The following CSMD1 variants were observed in gnomAD, a reference collection of about 807,000 sequenced individuals.
CSMD1 encodes the protein CUB and Sushi multiple domains 1, also known as CUB and sushi domain-containing protein 1.
CSMD1 carries 213 observed loss-of-function variants against 417.5 expected under a neutral mutation model. That is an observed-to-expected ratio of 0.51 (90% CI 0.46 to 0.57). The LOEUF (loss-of-function observed/expected upper bound fraction) is 0.57, where lower values mean the gene tolerates loss of function less well. Among genes scored for constraint, CSMD1 ranks in the 20% least tolerant of loss-of-function variants. The pLI, the probability that CSMD1 is intolerant of heterozygous loss-of-function variation, is 0.00. For missense variants in CSMD1, 6,923 were observed against 4,529.7 expected (o/e 1.53, Z -15.17); for synonymous variants, 2,862 against 1,736.8 (o/e 1.65, Z -16.11).
At chr8:4,934,571 C>G (rs73511757) in intron 1 of CSMD1, among the ~76,000 whole-genome samples, 6,329 of 152,170 alleles carry the variant, frequency 0.042, 157 homozygotes, top group South Asian at 0.053. Flanking sequence ...GCAACATGGA[C>G]AAAGAAAGGA....
chr8:3,803,498 G>C (rs572302216), intron 5 of CSMD1, among the ~76,000 whole-genome samples: 1 of 152,142 alleles, frequency 6.6e-6, no homozygotes, highest in South Asian at 2.1e-4. Flanking sequence ...ATAACAAGAA[G>C]AGCCCATGCA....
chr8:4,822,580 TATTTTTAGCA>T (rs1799582008), intron 1 of CSMD1, among the ~76,000 whole-genome samples: 1 of 152,134 alleles, frequency 6.6e-6, no homozygotes, highest in Non-Finnish European at 1.5e-5. Flanking sequence ...TACATTTTTA[TATTTTTAGCA>T]ATTTTTAGCA....
At chr8:4,534,243 T>G (rs1380784955) in intron 2 of CSMD1, among the ~76,000 whole-genome samples, 1 of 152,186 alleles carries the variant, frequency 6.6e-6, no homozygotes, top group Non-Finnish European at 1.5e-5. Flanking sequence ...TGCGTGGGCC[T>G]GGCCCCAAGG....
chr8:3,764,774 TCTCA>T (rs1798184276), intron 5 of CSMD1, among the ~76,000 whole-genome samples: 1 of 148,036 alleles, frequency 6.8e-6, no homozygotes, highest in East Asian at 2.0e-4. Flanking sequence ...TGAGAGACAT[TCTCA>T]CTCTGTTGCC....
chr8:3,107,976 T>G (rs766143483), intron 44 of CSMD1, among the ~76,000 whole-genome samples, 178 bp from the exon 45 acceptor site: 2 of 152,182 alleles, frequency 1.3e-5, no homozygotes, highest in Non-Finnish European at 2.9e-5. Flanking sequence ...ATATTATTAT[T>G]TAGTGCCAAA....
At chr8:4,390,971 C>T (rs544622823) in intron 3 of CSMD1, among the ~76,000 whole-genome samples, 3 of 152,292 alleles carry the variant, frequency 2.0e-5, no homozygotes, top group East Asian at 3.9e-4. Context: ...AAAACAGATT[C>T]TGTAACTTTC....
In CSMD1 at chr8:4,451,395, A is replaced by G. The variant is rs141377348; in HGVS notation, c.303-31330T>C. The stretch of plus-strand genomic sequence containing the variant: ...AGTGTTTATGGAAGATAATTATTGA[A>G]CATGTGCTATGATCAGTGTTTTCCA... On this transcript the variant is annotated intron_variant, in intron 2 of 69. Transcript: ENST00000635120. Among the ~76,000 whole-genome samples the G allele has an allele frequency of 9.8e-4, 150 of 152,334 alleles. 1 individual carries two copies. Among genetic ancestry groups the G allele is most frequent in the African/African-American group, 3.5e-3 (146 of 41,578 alleles).
At chr8:3,248,454 G>C (rs73185570) in intron 26 of CSMD1, among the ~76,000 whole-genome samples, 12,623 of 149,132 alleles carry the variant, frequency 0.085, 711 homozygotes, top group Non-Finnish European at 0.12. Context: ...GTGTGAGACA[G>C]ACAACAGGGA....
intron 2 of CSMD1, among the ~76,000 whole-genome samples, chr8:4,429,793 G>A (rs1395212905): frequency 6.6e-6 from 1 of 152,058 alleles, no homozygotes; most frequent in African/African-American, 2.4e-5. Context: ...GAAATATACC[G>A]GCAATCCCCT....
At chr8:3,366,579 T>C in intron 20 of CSMD1, among the ~76,000 whole-genome samples, 1 of 152,164 alleles carries the variant, frequency 6.6e-6, no homozygotes, top group East Asian at 1.9e-4. Flanking sequence ...TCCTCAACTG[T>C]GTGTGTCCAC....
At chr8:4,325,527 G>A (rs569688920) in intron 3 of CSMD1, among the ~76,000 whole-genome samples, 1 of 152,198 alleles carries the variant, frequency 6.6e-6, no homozygotes, top group African/African-American at 2.4e-5. Flanking sequence ...CACTTTGCAT[G>A]AATATCCATG....
At chr8:4,223,397 G>T (rs1441179656) in intron 3 of CSMD1, among the ~76,000 whole-genome samples, 1 of 152,226 alleles carries the variant, frequency 6.6e-6, no homozygotes, top group Non-Finnish European at 1.5e-5. Flanking sequence ...TGCCGCCAAG[G>T]TAAGCAGGAA....
At chr8:4,471,369 G>C (rs1042219394) in intron 2 of CSMD1, among the ~76,000 whole-genome samples, 10 of 152,148 alleles carry the variant, frequency 6.6e-5, no homozygotes, top group Admixed American at 1.3e-4. Context: ...CATTGGGTTA[G>C]ACTATTTCTA....
intron 3 of CSMD1, among the ~76,000 whole-genome samples, chr8:4,115,780 A>C (rs183300607): frequency 1.3e-5 from 2 of 152,072 alleles, no homozygotes; most frequent in Non-Finnish European, 2.9e-5. Flanking sequence ...TCAAGCCATG[A>C]AAAGTCATGG....
intron 55 of CSMD1, among the ~76,000 whole-genome samples, chr8:2,975,769 A>G (rs1440177912): frequency 6.6e-6 from 1 of 152,190 alleles, no homozygotes; most frequent in African/African-American, 2.4e-5. Flanking sequence ...GAGCATGGAA[A>G]AGCAAAGGCA....
chr8:3,686,830 G>A (rs1433131776), intron 7 of CSMD1, among the ~76,000 whole-genome samples: 1 of 152,168 alleles, frequency 6.6e-6, no homozygotes, highest in Admixed American at 6.5e-5. Flanking sequence ...CAGGCCACAT[G>A]AAATTTGCAT....
At chr8:4,225,149 A>C (rs1368354950) in intron 3 of CSMD1, among the ~76,000 whole-genome samples, 1 of 152,192 alleles carries the variant, frequency 6.6e-6, no homozygotes, top group Non-Finnish European at 1.5e-5. Flanking sequence ...TTATTTGTTC[A>C]TGTCAGGGCA....
At chr8:4,190,213 C>T (rs1036286748) in intron 3 of CSMD1, among the ~76,000 whole-genome samples, 8 of 137,958 alleles carry the variant, frequency 5.8e-5, no homozygotes, top group African/African-American at 2.2e-4. Context: ...GAGCTGAGAT[C>T]GAGTCACTGC....
rs142900372 is a variant in CSMD1 at position 4,989,038 on chromosome 8, G to A, written c.85+5294C>T. 2.7e-3 allele frequency among the ~76,000 whole-genome samples: 410 copies of A among 152,288 alleles called. 7 individuals carry two copies. Among genetic ancestry groups the A allele is most frequent in the African/African-American group, 8.9e-3 (368 of 41,558 alleles). ...CTTAAGGTCATTTTAAAGTCCTTAT[G>A]GAAAAGACTGACTTACTTCCTTGCA... is the stretch of plus-strand genomic sequence containing the variant. On this transcript the variant is annotated intron_variant, in intron 1 of 69. Transcript: ENST00000635120.
Sources: allele counts gnomAD v4.1 joint callset (sites outside exome capture counted in the v4.1 genomes callset), GRCh38; gene constraint gnomAD v4.1.1; transcripts MANE v1.5; gene names NCBI Gene and HGNC (gene_info 2026-07-23, HGNC 2026-07-21).